Variants in FYB1 observed in about 807,000 individuals in gnomAD.
The protein encoded by FYB1 is FYN-binding protein 1.
Under a neutral mutation model 94.1 loss-of-function variants are expected in FYB1, and 41 were observed. That is an observed-to-expected ratio of 0.44 (90% CI 0.34 to 0.57). FYB1 has a LOEUF of 0.57. Among genes scored for constraint, FYB1 ranks in the 20% least tolerant of loss-of-function variants. FYB1 has a pLI of 0.02. For synonymous variants in FYB1, 367 were observed against 353.2 expected (o/e 1.04, Z -0.44); for missense variants, 1,050 against 976.8 (o/e 1.07, Z -1.00).
intron 9 of FYB1, among the ~76,000 whole-genome samples, chr5:39,132,966 C>G (rs1741335685): frequency 6.6e-6 from 1 of 152,160 alleles, no homozygotes; most frequent in African/African-American, 2.4e-5. Context: ...TAATGATCTC[C>G]AAACTCTAGT....
intron 2 of FYB1, among the ~76,000 whole-genome samples, chr5:39,196,474 C>T (rs1031763604): frequency 6.6e-6 from 1 of 152,120 alleles, no homozygotes; most frequent in Admixed American, 6.5e-5. Context: ...GGATTACAGG[C>T]ATGAGCCACC....
chr5:39,128,245 C>CAGAA (rs1158216413), intron 10 of FYB1, among the ~76,000 whole-genome samples: 24 of 152,148 alleles, frequency 1.6e-4, no homozygotes, highest in African/African-American at 4.1e-4. Context: ...GTAGTTGAAA[C>CAGAA]AGAAAGAAGT....
chr5:39,259,007 C>T lies in FYB1; in HGVS notation c.-28+15396G>A, dbSNP rs181720124. Among the ~76,000 whole-genome samples, 132 of 152,202 alleles carry T rather than the reference C, an allele frequency of 8.7e-4. 3 individuals carry two copies. The highest frequency in any genetic ancestry group is 3.0e-3 in the African/African-American group (124 of 41,536). On this transcript the variant is annotated intron_variant, in intron 1 of 1. Transcript: ENST00000510188. ...TCAGCAACATGAAAGGGGACTAAAT[C>T]GTATGTTGCTGAGATTGTGTTGGTA...
In FYB1 at chr5:39,119,761, A is replaced by G. The variant is rs563992736; in HGVS notation, c.2139-127T>C. 1.4e-5 allele frequency: 16 copies of G among 1,145,952 alleles called. No homozygotes were observed. In the African/African-American group the frequency reaches 2.1e-4, roughly 15 times the overall value. The allele number at this position is 1,145,952 out of a possible 1,614,324, so 71.0% of individuals were successfully genotyped here. A position where few individuals can be genotyped will look rare whatever the true frequency, so the allele number is the denominator to read the frequency against. On this transcript the variant is annotated intron_variant, in intron 14 of 18. Transcript: ENST00000512982. ...TTTCAGTTAATTCTTTTTGTTAGAA[A>G]TCCAGTAACTGTCATTGTAATAAAT...
At chr5:39,161,536 C>A (rs1343540852) in intron 2 of FYB1, among the ~76,000 whole-genome samples, 3 of 149,938 alleles carry the variant, frequency 2.0e-5, no homozygotes, top group African/African-American at 4.9e-5. Flanking sequence ...ACTTTGCTTT[C>A]TTAACTTAAT....
chr5:39,159,375 G>A (rs570679588), intron 2 of FYB1, among the ~76,000 whole-genome samples: 11 of 152,290 alleles, frequency 7.2e-5, no homozygotes, highest in African/African-American at 2.2e-4. Flanking sequence ...GGTGAACTCT[G>A]CACTAAGTAG....
At chr5:39,266,223 T>C in intron 1 of FYB1, among the ~76,000 whole-genome samples, 1 of 152,178 alleles carries the variant, frequency 6.6e-6, no homozygotes, top group Admixed American at 6.5e-5. Context: ...TTCTACTGCC[T>C]CTTCTCCCAC....
Position 39,148,080 on chromosome 5 carries a change from G to A in FYB1, c.1292+5368C>T, listed in dbSNP as rs367672083. On this transcript the variant is annotated intron_variant, in intron 3 of 18. Transcript: ENST00000512982. ...AACCTTAGGGAAGCCATTGCTCCCC[G>A]CTGCTCTAATGCCCGGCTCCTGCAA... Among the ~76,000 whole-genome samples the A allele has an allele frequency of 5.4e-4, 78 of 144,842 alleles. 2 individuals are homozygous for A. In the South Asian group the frequency reaches 0.017, roughly 31 times the overall value.
chr5:39,265,517 G>A (rs1228107003), intron 1 of FYB1, among the ~76,000 whole-genome samples: 1 of 148,694 alleles, frequency 6.7e-6, no homozygotes, highest in Non-Finnish European at 1.5e-5. Flanking sequence ...ATTAGCTGGG[G>A]ATGGTGGTGG....
chr5:39,239,517 C>T (rs2150584441), intron 1 of FYB1, among the ~76,000 whole-genome samples: 1 of 152,220 alleles, frequency 6.6e-6, no homozygotes, highest in Non-Finnish European at 1.5e-5. Flanking sequence ...ACACCAACAA[C>T]ATCTAAGCTG....
At position 39,199,276 on chromosome 5, in the gene FYB1, T is replaced by C. The variant is rs569676874; in HGVS notation, c.1135+2550A>G. 3.9e-5 allele frequency among the ~76,000 whole-genome samples: 6 copies of C among 152,274 alleles called. No homozygotes were observed. In the South Asian group the frequency reaches 6.2e-4, roughly 16 times the overall value. On this transcript the variant is annotated intron_variant, in intron 2 of 18. Coordinates refer to ENST00000512982, the MANE Select transcript of FYB1 (RefSeq NM_001465.6). Reference sequence around the variant, plus strand: ...GAACATATACTTTCTAATTCTGATATATTTTAACCTTCCTAAATGAAATGG... The same window carrying C: ...GAACATATACTTTCTAATTCTGATACATTTTAACCTTCCTAAATGAAATGG...
intron 1 of FYB1, among the ~76,000 whole-genome samples, chr5:39,245,072 A>C (rs1451998895): frequency 6.6e-6 from 1 of 151,790 alleles, no homozygotes; most frequent in East Asian, 1.9e-4. Context: ...TCAATTTTTT[A>C]AACAATTTTC....
At position 39,135,151 on chromosome 5, in the gene FYB1, T is replaced by C. The variant is rs1741571826; in HGVS notation, c.1516-137A>G. The C allele has an allele frequency of 1.9e-5, 18 of 939,882 alleles. No individual in the cohort carries two copies. The South Asian group carries it at 3.2e-4, about 17-fold the overall frequency. The allele number at this position is 939,882 out of a possible 1,614,324, so 58.2% of individuals were successfully genotyped here. A position where few individuals can be genotyped will look rare whatever the true frequency, so the allele number is the denominator to read the frequency against. Reference sequence around the variant, plus strand: ...ACATTTACAGGGTTTAACCAGAAATTGAGGGTGAATGTTTTTCTTATAGGA... The same window carrying C: ...ACATTTACAGGGTTTAACCAGAAATCGAGGGTGAATGTTTTTCTTATAGGA... On this transcript the variant is annotated intron_variant, in intron 7 of 18. Transcript: ENST00000512982.
chr5:39,236,361 A>G (rs1750966440), intron 1 of FYB1, among the ~76,000 whole-genome samples: 1 of 152,108 alleles, frequency 6.6e-6, no homozygotes, highest in Non-Finnish European at 1.5e-5. Flanking sequence ...ATAACTTATG[A>G]ATAGGAAAAT....
At chr5:39,237,895 C>T (rs558303120) in intron 1 of FYB1, among the ~76,000 whole-genome samples, 4 of 152,094 alleles carry the variant, frequency 2.6e-5, no homozygotes, top group South Asian at 4.1e-4. Context: ...TTAATAGATT[C>T]GTATGAACCT....
At position 39,119,095 on chromosome 5, in the gene FYB1, AT is replaced by A. The variant is rs143489653; in HGVS notation, c.2239-60del. ...TTTATGTGCATTATTGAAACAACTTATTTATGGATGGATTTATTAAAAAGTT... is the reference window on the plus strand; with the variant it reads ...TTTATGTGCATTATTGAAACAACTTATTATGGATGGATTTATTAAAAAGTT... On this transcript the variant is annotated intron_variant, in intron 15 of 18. Coordinates refer to ENST00000512982, the MANE Select transcript of FYB1 (RefSeq NM_001465.6). The A allele has an allele frequency of 2.0e-3, 1,510 of 755,936 alleles. 19 individuals carry two copies. The African/African-American group carries it at 0.025, about 12-fold the overall frequency. 46.8% of individuals were successfully genotyped at this position (755,936 alleles called of 1,614,324 possible).
In FYB1 at chr5:39,137,668, A is replaced by T; in HGVS notation, c.1447T>A (p.Leu483Ile). The change falls in exon 7 of 19, where the codon TTA (leucine) becomes ATA (isoleucine). Residue 483 changes from leucine to isoleucine, a missense_variant. By Grantham distance (5) the Leu-to-Ile change is conservative. Coordinates refer to ENST00000512982, the MANE Select transcript of FYB1 (RefSeq NM_001465.6). ...KKREKEEKKR[L>I]ELEKKEQKEK... is the part of the protein sequence containing the mutation. ...TTCTGTTCCTTTTTCTCCAGCTCTA[A>T]CCTCTTCTTTTCTTCCTTTTCCCTT... 1.3e-6 allele frequency: 2 copies of T among 1,534,076 alleles called. No individual in the cohort carries two copies. The highest frequency in any genetic ancestry group is 2.5e-5 in the East Asian group (1 of 40,772).
At chr5:39,259,373 T>A (rs1175009098) in intron 1 of FYB1, among the ~76,000 whole-genome samples, 1 of 152,210 alleles carries the variant, frequency 6.6e-6, no homozygotes, top group Non-Finnish European at 1.5e-5. Context: ...GTAACGAGTA[T>A]GCGAAATGTC....
At chr5:39,162,862 A>T (rs1744381901) in intron 2 of FYB1, among the ~76,000 whole-genome samples, 1 of 152,172 alleles carries the variant, frequency 6.6e-6, no homozygotes, top group Admixed American at 6.5e-5. Flanking sequence ...TTTATAAGTG[A>T]GACTGAGCAT....
Sources: allele counts gnomAD v4.1 joint callset (sites outside exome capture counted in the v4.1 genomes callset), GRCh38; gene constraint gnomAD v4.1.1; transcripts MANE v1.5; gene names NCBI Gene and HGNC (gene_info 2026-07-23, HGNC 2026-07-21).